The following GOLGA1 variants were observed in gnomAD, a reference collection of about 807,000 sequenced individuals.
GOLGA1 encodes the protein golgin subfamily A member 1.
In GOLGA1, 63 loss-of-function variants were observed where a neutral mutation model predicts 119.7. The observed-to-expected ratio is 0.53, with a 90% CI of 0.43 to 0.65. The LOEUF (loss-of-function observed/expected upper bound fraction) is 0.65. Ranked by LOEUF, GOLGA1 falls within the 30% of genes least tolerant of loss-of-function variation. The pLI is 0.00. For missense variants in GOLGA1, 798 were observed against 912.8 expected (o/e 0.87, Z 1.62); for synonymous variants, 318 against 333.4 (o/e 0.95, Z 0.50).
intron 13 of GOLGA1, 37 bp downstream of exon 13, chr9:124,900,415 A>T: frequency 9.8e-7 from 1 of 1,024,846 alleles, no homozygotes; most frequent in Non-Finnish European, 1.6e-6. Context: ...AGAAAGCATT[A>T]AGGGCCTGGA....
Position 124,888,825 on chromosome 9 carries a change from G to A in GOLGA1, c.1761+318C>T, listed in dbSNP as rs530207204. Among the ~76,000 whole-genome samples, 11 of 152,162 alleles carry A rather than the reference G, an allele frequency of 7.2e-5. 1 individual carries two copies. Among genetic ancestry groups the A allele is most frequent in the Admixed American group, 5.2e-4 (8 of 15,284 alleles). On this transcript the variant is annotated intron_variant, in intron 18 of 22. Transcript: ENST00000373555. The surrounding 1 kb of genome is among the most constrained non-coding windows in gnomAD (Gnocchi z 4.4). ...CATCATTCTCCTGCCTCAGCCTCCC[G>A]AGTAGCTGGGACTACAGGCACTCGC...
At chr9:124,947,717 A>G (rs1831169626) in intron 1 of GOLGA1, 1 of 152,242 alleles carries the variant, frequency 6.6e-6, no homozygotes, top group Non-Finnish European at 1.5e-5. Context: ...TACAAATAAA[A>G]TAAGAATTTC....
chr9:124,923,593 A>T (rs962121292), intron 7 of GOLGA1, among the ~76,000 whole-genome samples: 1 of 152,222 alleles, frequency 6.6e-6, no homozygotes, highest in African/African-American at 2.4e-5. Context: ...TTCTTTATTT[A>T]AAAATAAATG....
rs562918375 is a variant in GOLGA1 at position 124,881,328 on chromosome 9, G to A, written c.2137-71C>T. On this transcript the variant is annotated intron_variant, in intron 21 of 22. Transcript: ENST00000373555. This position sits in a 1 kb window ranked among gnomAD's most constrained non-coding sequence, Gnocchi z 4.9. ...GGCGGGGTGGGGTCGGGGGAGCTAC[G>A]TGGCATTTCCTGCTTGCTTTGGTTA... 4.7e-5 allele frequency: 40 copies of A among 859,648 alleles called. No individual in the cohort carries two copies. Among genetic ancestry groups the A allele is most frequent in the Admixed American group, 3.2e-4 (19 of 58,554 alleles). 53.3% of individuals were successfully genotyped at this position (859,648 alleles called of 1,614,324 possible).
rs751013482 is a variant in GOLGA1, at chr9:124,889,500, G to T, written c.1534C>A (p.Gln512Lys). ...ACTTCGGTTTTTTCCCGCAGATTCTGTTCCTTCTCGTCTATTATGGCTGTC... is the reference window on the plus strand; with the variant it reads ...ACTTCGGTTTTTTCCCGCAGATTCTTTTCCTTCTCGTCTATTATGGCTGTC... The part of the protein sequence containing the change: ...NLTAIIDEKE[Q>K]NLREKTEVLL... Residue 512 changes from glutamine to lysine, a missense_variant, in exon 17 of 23, where the codon CAG becomes AAG. Physicochemically the swap from Gln to Lys is moderately conservative, Grantham distance 53. Transcript: ENST00000373555. 13 of 1,613,800 alleles carry T rather than the reference G, an allele frequency of 8.1e-6. No individual in the cohort carries two copies. Among genetic ancestry groups the T allele is most frequent in the Non-Finnish European group, 1.1e-5 (13 of 1,179,686 alleles).
intron 10 of GOLGA1, among the ~76,000 whole-genome samples, chr9:124,920,837 C>G (rs559019783): frequency 7.1e-6 from 1 of 141,100 alleles, no homozygotes; most frequent in East Asian, 2.1e-4. Context: ...AAGAGCAAGA[C>G]TCTGTCCCAA....
Position 124,908,432 on chromosome 9 carries a change from T to G in GOLGA1, c.1010A>C (p.Gln337Pro), listed in dbSNP as rs376502354. Reference protein sequence around the residue: ...AEQNLEDTRQQLLAARSSQAK... With the variant: ...AEQNLEDTRQPLLAARSSQAK... ...CTGGCTGCTTCTGGCTGCCAAGAGC[T>G]GTTGTCTGGTATCCTCCAAATTCTG... Residue 337 changes from glutamine to proline, a missense_variant, in exon 12 of 23, where the codon CAG (glutamine) becomes CCG (proline). Transcript: ENST00000373555. 1 of 1,611,418 alleles carries G rather than the reference T, an allele frequency of 6.2e-7. No individual in the cohort carries two copies. The highest frequency in any genetic ancestry group is 8.5e-7 in the Non-Finnish European group (1 of 1,177,462).
At chr9:124,910,444 A>C (rs1830318922) in intron 11 of GOLGA1, among the ~76,000 whole-genome samples, 1 of 152,234 alleles carries the variant, frequency 6.6e-6, no homozygotes. Flanking sequence ...TGGCACAATA[A>C]TAATATTGAT....
chr9:124,913,052 G>A (rs1009588103), intron 10 of GOLGA1, among the ~76,000 whole-genome samples: 1 of 152,178 alleles, frequency 6.6e-6, no homozygotes, highest in Non-Finnish European at 1.5e-5. Flanking sequence ...AAACTTACAA[G>A]CATGGCAGAA....
chr9:124,930,863 T>C (rs911396090), intron 4 of GOLGA1, among the ~76,000 whole-genome samples: 7 of 152,164 alleles, frequency 4.6e-5, no homozygotes, highest in South Asian at 2.1e-4. Flanking sequence ...AGAAATACCA[T>C]TGAAAAGTGG....
At chr9:124,883,258 G>C (rs2900226) in intron 19 of GOLGA1, among the ~76,000 whole-genome samples, 54,299 of 149,062 alleles carry the variant, frequency 0.36, 9,934 homozygotes, top group Admixed American at 0.41. Flanking sequence ...CACCATGCCC[G>C]ACTCATTTTT....
intron 10 of GOLGA1, among the ~76,000 whole-genome samples, chr9:124,919,891 C>T (rs760737592): frequency 1.6e-4 from 24 of 151,968 alleles, no homozygotes; most frequent in Non-Finnish European, 2.5e-4. Context: ...GCTCAAAATG[C>T]CAATAATAAA....
At chr9:124,931,621 T>C (rs926561629) in intron 3 of GOLGA1, among the ~76,000 whole-genome samples, 4 of 152,190 alleles carry the variant, frequency 2.6e-5, no homozygotes, top group Non-Finnish European at 4.4e-5. Context: ...AGATCAATTT[T>C]ATGTGTACGC....
At chr9:124,928,728 C>CA (rs973969841) in intron 5 of GOLGA1, among the ~76,000 whole-genome samples, 18 of 151,780 alleles carry the variant, frequency 1.2e-4, no homozygotes, top group African/African-American at 4.1e-4. Context: ...TACATATCAA[C>CA]AAAAAAAATA....
intron 12 of GOLGA1, among the ~76,000 whole-genome samples, chr9:124,903,404 C>T (rs568336227): frequency 1.5e-4 from 23 of 151,682 alleles, no homozygotes; most frequent in Admixed American, 5.9e-4. Flanking sequence ...CTTAAACCTG[C>T]GGGGTGGGGG....
In GOLGA1 at chr9:124,888,481, C is replaced by T. The variant is rs1335478013; in HGVS notation, c.1762-85G>A. The T allele has an allele frequency of 7.9e-7, 1 of 1,271,822 alleles. No homozygotes were observed. The highest frequency in any genetic ancestry group is 1.1e-6 in the Non-Finnish European group (1 of 882,638). 78.8% of individuals were successfully genotyped at this position (1,271,822 alleles called of 1,614,324 possible). On this transcript the variant is annotated intron_variant, in intron 18 of 22. Transcript: ENST00000373555. The surrounding 1 kb of genome is among the most constrained non-coding windows in gnomAD (Gnocchi z 4.4). Reference sequence around the variant, plus strand: ...GTACACAGGGAAGGGGAGCTAGACTCGTCCCTTAGGTATGGGCGTTGTGCT... The same window carrying T: ...GTACACAGGGAAGGGGAGCTAGACTTGTCCCTTAGGTATGGGCGTTGTGCT...
At chr9:124,935,077 G>A (rs1171474604) in intron 3 of GOLGA1, among the ~76,000 whole-genome samples, 1 of 152,144 alleles carries the variant, frequency 6.6e-6, no homozygotes, top group Non-Finnish European at 1.5e-5. Context: ...TTTGGGGACA[G>A]GGAACCCAGA....
At chr9:124,930,423 C>A (rs554858876) in intron 4 of GOLGA1, among the ~76,000 whole-genome samples, 2 of 152,150 alleles carry the variant, frequency 1.3e-5, no homozygotes, top group Non-Finnish European at 2.9e-5. Flanking sequence ...ACTTGTGAGG[C>A]CTTAACCTTG....
At chr9:124,932,553 T>C (rs1462434804) in intron 3 of GOLGA1, among the ~76,000 whole-genome samples, 1 of 152,208 alleles carries the variant, frequency 6.6e-6, no homozygotes, top group Non-Finnish European at 1.5e-5. Context: ...CAAACAGCAT[T>C]TGCCTCACAG....
Sources: allele counts gnomAD v4.1 joint callset (sites outside exome capture counted in the v4.1 genomes callset), GRCh38; gene constraint gnomAD v4.1.1; non-coding constraint Gnocchi (gnomAD v3.1); transcripts MANE v1.5; gene names NCBI Gene and HGNC (gene_info 2026-07-23, HGNC 2026-07-21).